The following SYNPO2 variants were observed in gnomAD, a reference collection of about 807,000 sequenced individuals.
The protein encoded by SYNPO2 is synaptopodin-2.
Under a neutral mutation model 85.0 loss-of-function variants are expected in SYNPO2, and 56 were observed. The ratio of observed to expected loss-of-function variants is 0.66; its 90% CI spans 0.53 to 0.82. The LOEUF (loss-of-function observed/expected upper bound fraction) is 0.82, where lower values mean the gene tolerates loss of function less well. Among genes scored for constraint, SYNPO2 ranks in the 40% least tolerant of loss-of-function variants. The pLI, the probability that SYNPO2 is intolerant of heterozygous loss-of-function variation, is 0.00. For synonymous variants in SYNPO2, 602 were observed against 591.1 expected, an observed-to-expected ratio of 1.02 and a Z score of -0.27; for missense variants, 1,575 against 1,534.2, an observed-to-expected ratio of 1.03 and a Z score of -0.44.
chr4:118,990,091 G>C (rs6824570), intron 1 of SYNPO2, among the ~76,000 whole-genome samples: 27,080 of 152,176 alleles, frequency 0.18, 2,962 homozygotes, highest in South Asian at 0.31. Flanking sequence ...GGCTGGCTTT[G>C]CATACAGGTT....
At chr4:118,862,179 AT>A (rs1252444303) in intron 1 of SYNPO2, among the ~76,000 whole-genome samples, 13 of 151,748 alleles carry the variant, frequency 8.6e-5, no homozygotes, top group Non-Finnish European at 1.6e-4. Context: ...TTGTATGTTG[AT>A]TTTGTATCCT....
chr4:118,936,337 T>G (rs1734100865), intron 1 of SYNPO2, among the ~76,000 whole-genome samples: 1 of 152,182 alleles, frequency 6.6e-6, no homozygotes, highest in South Asian at 2.1e-4. Context: ...TATTTAATAT[T>G]TATTAATTTA....
intron 1 of SYNPO2, among the ~76,000 whole-genome samples, chr4:118,881,761 A>T (rs1560819823): frequency 6.6e-6 from 1 of 152,104 alleles, no homozygotes. Context: ...GCCTGAGGGC[A>T]TCTTCTTTCA....
In SYNPO2 at chr4:118,888,879, G is replaced by A; in HGVS notation, c.-158G>A. The A allele has an allele frequency of 1.4e-6, 1 of 726,674 alleles. No individual in the cohort carries two copies. Among genetic ancestry groups the A allele is most frequent in the Non-Finnish European group, 2.3e-6 (1 of 430,136 alleles). 45.0% of individuals were successfully genotyped at this position (726,674 alleles called of 1,614,324 possible). ...GCACAAATTCGCAGCAGGCGGCTGGGGCGGCGGCTGGGGCAGCGGCTGCAG... is the reference window on the plus strand; with the variant it reads ...GCACAAATTCGCAGCAGGCGGCTGGAGCGGCGGCTGGGGCAGCGGCTGCAG... On this transcript the variant is annotated 5_prime_UTR_variant, in exon 1 of 5. Coordinates refer to ENST00000307142, the MANE Select transcript of SYNPO2 (RefSeq NM_133477.3).
At chr4:119,022,967 G>A (rs200788283) in intron 1 of SYNPO2, among the ~76,000 whole-genome samples, 11 of 151,518 alleles carry the variant, frequency 7.3e-5, no homozygotes, top group African/African-American at 9.7e-5. Context: ...TAGTAGAGAC[G>A]GGGTTTCACC....
At position 118,869,204 on chromosome 4, in the gene SYNPO2, G is replaced by A. The variant is rs531593397; in HGVS notation, c.12+18264G>A. Among the ~76,000 whole-genome samples the A allele has an allele frequency of 2.6e-4, 39 of 152,082 alleles. 1 individual carries two copies. Among genetic ancestry groups the A allele is most frequent in the Admixed American group, 2.2e-3 (34 of 15,282 alleles). On this transcript the variant is annotated intron_variant, in intron 1 of 4. Transcript: ENST00000610556. The stretch of plus-strand genomic sequence containing the variant: ...CCCAAGTAGCTGGGATTACAGGCAC[G>A]CGCCACCACACCTGGCTTATTTTTT...
rs187450067 is a variant in SYNPO2 at position 119,031,539 on chromosome 4, C to T, written c.2764C>T (p.Pro922Ser). ...CTCCTCCAATGTCCGAGCACCTCCT[C>T]CTGTGGCCTATAATCCTATCCACTC... ...KYSSNVRAPP[P>S]VAYNPIHSPS... Residue 922 changes from proline to serine, a missense_variant, in exon 4 of 5, where the codon CCT (proline) becomes TCT (serine). Transcript: ENST00000307142. 341 of 1,614,188 alleles carry T rather than the reference C, an allele frequency of 2.1e-4. 1 individual carries two copies. Among genetic ancestry groups the T allele is most frequent in the South Asian group, 1.1e-5 (1 of 91,076 alleles).
chr4:118,995,567 G>C (rs1354831986), intron 1 of SYNPO2, among the ~76,000 whole-genome samples: 3 of 152,152 alleles, frequency 2.0e-5, no homozygotes, highest in African/African-American at 7.2e-5. Flanking sequence ...TTTGAACTCA[G>C]GTTGTCTGAT....
chr4:118,971,856 T>A (rs1220785947), intron 1 of SYNPO2, among the ~76,000 whole-genome samples: 1 of 77,300 alleles, frequency 1.3e-5, no homozygotes, highest in African/African-American at 3.8e-5. Flanking sequence ...CCAGAAGTGT[T>A]ATGTTCTCCC....
intron 1 of SYNPO2, among the ~76,000 whole-genome samples, chr4:118,974,064 G>A (rs1214446595): frequency 6.6e-6 from 1 of 152,188 alleles, no homozygotes; most frequent in Non-Finnish European, 1.5e-5. Flanking sequence ...TTTTTGAAAA[G>A]AGAGTTGAGA....
intron 1 of SYNPO2, among the ~76,000 whole-genome samples, chr4:118,915,887 T>G (rs1214494472): frequency 6.6e-6 from 1 of 152,184 alleles, no homozygotes; most frequent in Non-Finnish European, 1.5e-5. Flanking sequence ...GCCATTTTGC[T>G]AGATATAAAA....
chr4:118,900,668 T>TCC (rs1732695755), intron 1 of SYNPO2, among the ~76,000 whole-genome samples: 1 of 60,322 alleles, frequency 1.7e-5, no homozygotes, highest in Non-Finnish European at 3.0e-5. Context: ...TCTCTTTCTC[T>TCC]CTCTCTCTCT....
At chr4:118,989,871 C>T (rs1736345352) in intron 1 of SYNPO2, among the ~76,000 whole-genome samples, 1 of 152,140 alleles carries the variant, frequency 6.6e-6, no homozygotes, top group Non-Finnish European at 1.5e-5. Flanking sequence ...AGAGTAAGCC[C>T]TGAGGCTGCA....
intron 1 of SYNPO2, among the ~76,000 whole-genome samples, chr4:118,903,722 T>G (rs796345541): frequency 7.0e-6 from 1 of 142,878 alleles, no homozygotes; most frequent in South Asian, 2.4e-4. Context: ...TGGTACAATT[T>G]TTTTTTTTTA....
At chr4:119,012,375 C>CTTTT (rs10651853) in intron 1 of SYNPO2, among the ~76,000 whole-genome samples, 1,322 of 109,172 alleles carry the variant, frequency 0.012, 3 homozygotes, top group African/African-American at 0.016. Flanking sequence ...TCCCCCTTTT[C>CTTTT]TTTTTTTTTT....
intron 1 of SYNPO2, among the ~76,000 whole-genome samples, chr4:118,990,074 G>A (rs1220806602): frequency 1.3e-5 from 2 of 152,194 alleles, no homozygotes; most frequent in Non-Finnish European, 2.9e-5. Flanking sequence ...TGAGAAGACG[G>A]AAATGGGGCT....
intron 1 of SYNPO2, among the ~76,000 whole-genome samples, chr4:118,909,321 G>A (rs914433129): frequency 6.6e-6 from 1 of 152,096 alleles, no homozygotes. Flanking sequence ...TAATAGGGCT[G>A]GTCCTGAGTA....
At position 119,030,471 on chromosome 4, in the gene SYNPO2, C is replaced by T; in HGVS notation, c.1696C>T (p.Gln566Ter). The change falls in exon 4 of 5, where the codon CAA becomes TAA. Residue 566 changes from glutamine (Q) to a stop codon, truncating the protein, a stop_gained. Coordinates refer to ENST00000307142, the MANE Select transcript of SYNPO2 (RefSeq NM_133477.3). LOFTEE classifies it high-confidence loss of function. ...EVSHGLGHVP[Q>*]QNGFSGTSET... ...GAGTCATGGTCTTGGCCATGTTCCC[C>T]AACAGAATGGCTTCAGTGGGACATC... 1 of 1,614,078 alleles carries T rather than the reference C, an allele frequency of 6.2e-7. No individual in the cohort carries two copies. The highest frequency in any genetic ancestry group is 1.1e-5 in the South Asian group (1 of 91,076).
chr4:118,855,603 G>C (rs558990606), intron 1 of SYNPO2, among the ~76,000 whole-genome samples: 119 of 152,168 alleles, frequency 7.8e-4, no homozygotes, highest in Non-Finnish European at 1.4e-3. Flanking sequence ...CCATTAAAAT[G>C]CCACTTTAAA....
Sources: gnomAD v4.1 joint callset for allele counts (sites outside exome capture counted in the v4.1 genomes callset) on GRCh38, gnomAD v4.1.1 for gene constraint, MANE v1.5 for transcripts, NCBI Gene and HGNC (gene_info 2026-07-23, HGNC 2026-07-21) for gene names.